The following ZNF462 variants were observed in gnomAD, a reference collection of about 807,000 sequenced individuals.
ZNF462 encodes zinc finger PBX1-interacting protein.
In ZNF462, 10 loss-of-function variants were observed where a neutral mutation model predicts 201.9. That is an observed-to-expected ratio of 0.05 (90% CI 0.03 to 0.08). ZNF462 has a LOEUF of 0.08. Among genes scored for constraint, ZNF462 ranks in the 10% least tolerant of loss-of-function variants. The pLI is 1.00. For missense variants in ZNF462, 2,523 were observed against 3,168.3 expected, an observed-to-expected ratio of 0.80 and a Z score of 4.89; for synonymous variants, 1,227 against 1,193.3, an observed-to-expected ratio of 1.03 and a Z score of -0.58.
At chr9:106,861,811 A>T (rs1827074658), upstream of ZNF462, among the ~76,000 whole-genome samples, 1 of 152,146 alleles carries the variant, frequency 6.6e-6, no homozygotes, top group Non-Finnish European at 1.5e-5. Flanking sequence ...GATTACACTA[A>T]ATAAAAATTC....
rs1831997116 is a variant in ZNF462, at chr9:106,964,796, A to G, written c.6428-7209A>G. Reference sequence around the variant, plus strand: ...AATATTAATTAAATTGAATGAGCTCAGTAGCAAATATAACTGGTACAAAAA... The same window carrying G: ...AATATTAATTAAATTGAATGAGCTCGGTAGCAAATATAACTGGTACAAAAA... On this transcript the variant is annotated intron_variant, in intron 7 of 12. Coordinates refer to ENST00000277225, the MANE Select transcript of ZNF462 (RefSeq NM_021224.6). 3.3e-5 allele frequency among the ~76,000 whole-genome samples: 5 copies of G among 152,228 alleles called. No individual in the cohort carries two copies. The South Asian group carries it at 1.0e-3, about 32-fold the overall frequency.
At chr9:106,893,138 T>G (rs1305778711) in intron 1 of ZNF462, among the ~76,000 whole-genome samples, 1 of 152,244 alleles carries the variant, frequency 6.6e-6, no homozygotes, top group Non-Finnish European at 1.5e-5. Flanking sequence ...ATACATTATA[T>G]AAATGTGTTC....
intron 1 of ZNF462, among the ~76,000 whole-genome samples, chr9:106,869,253 G>A (rs1429059228): frequency 6.6e-6 from 1 of 152,172 alleles, no homozygotes; most frequent in Non-Finnish European, 1.5e-5. Context: ...ACAATTACTG[G>A]TGGTTTTCCA....
chr9:106,908,312 G>T (rs1480449975), intron 1 of ZNF462, among the ~76,000 whole-genome samples: 1 of 151,948 alleles, frequency 6.6e-6, no homozygotes, highest in Admixed American at 6.6e-5. Flanking sequence ...TGTATCTGTT[G>T]CCATCTTTAT....
At position 106,917,206 on chromosome 9, in the gene ZNF462, CT is replaced by C. The variant is rs1027964859; in HGVS notation, c.-30-6146del. ...TTTACATATCCAACATTTTTAGCCA[CT>C]TGGATTACATCCCTAGATGCTCATT... On this transcript the variant is annotated intron_variant, in intron 1 of 12. Transcript: ENST00000277225. The surrounding 1 kb of genome is among the most constrained non-coding windows in gnomAD (Gnocchi z 4.5). Among the ~76,000 whole-genome samples the C allele has an allele frequency of 7.9e-5, 12 of 152,350 alleles. No individual in the cohort carries two copies. The highest frequency in any genetic ancestry group is 2.6e-4 in the African/African-American group (11 of 41,580).
intron 1 of ZNF462, among the ~76,000 whole-genome samples, chr9:106,922,073 T>C (rs2131413897): frequency 6.6e-6 from 1 of 152,348 alleles, no homozygotes; most frequent in East Asian, 1.9e-4. Context: ...CTCCTTTCAC[T>C]ACATTGATGT....
At chr9:106,937,883 C>CGAA (rs1830697500) in intron 6 of ZNF462, among the ~76,000 whole-genome samples, 1 of 152,042 alleles carries the variant, frequency 6.6e-6, no homozygotes, top group African/African-American at 2.4e-5. Context: ...ATGTATATTT[C>CGAA]TAAGTAAAAC....
intron 1 of ZNF462, among the ~76,000 whole-genome samples, chr9:106,911,175 T>C (rs1248036415): frequency 6.6e-6 from 1 of 152,190 alleles, no homozygotes; most frequent in Non-Finnish European, 1.5e-5. Flanking sequence ...GACCAGTAAT[T>C]GTCTTTTATG....
rs3056311 is a variant in ZNF462, at chr9:106,943,059, C to CGTGTGTGTGTGT, written c.6427+3975_6427+3986dup. Among the ~76,000 whole-genome samples, 942 of 143,224 alleles carry CGTGTGTGTGTGT rather than the reference C, an allele frequency of 6.6e-3. 12 individuals carry two copies. Among genetic ancestry groups the CGTGTGTGTGTGT allele is most frequent in the African/African-American group, 0.02 (757 of 37,934 alleles). 94.0% of individuals were successfully genotyped at this position (143,224 alleles called of 152,430 possible). A position where few individuals can be genotyped will look rare whatever the true frequency, so the allele number is the denominator to read the frequency against. On this transcript the variant is annotated intron_variant, in intron 7 of 12. Transcript: ENST00000277225. The stretch of plus-strand genomic sequence containing the variant: ...GTAACATAGTTTTGTTTTGCGCGCG[C>CGTGTGTGTGTGT]GTGTGTGTGTGTGTGTGTGTGTGTG...
At chr9:106,864,285 G>C (rs926161753) in intron 1 of ZNF462, among the ~76,000 whole-genome samples, 7 of 151,822 alleles carry the variant, frequency 4.6e-5, no homozygotes, top group Admixed American at 2.0e-4. Context: ...GTTCAGAAGC[G>C]TCTGGTGGAG....
intron 7 of ZNF462, among the ~76,000 whole-genome samples, chr9:106,945,595 T>C (rs1036643925): frequency 1.2e-4 from 19 of 152,366 alleles, no homozygotes; most frequent in African/African-American, 4.1e-4. Flanking sequence ...GCACATGCGA[T>C]GTAAGACATA....
At chr9:106,908,902 C>T (rs1374074342) in intron 1 of ZNF462, among the ~76,000 whole-genome samples, 3 of 77,206 alleles carry the variant, frequency 3.9e-5, no homozygotes, top group Non-Finnish European at 6.7e-5. Context: ...AATATTTGCC[C>T]ATATATACAT....
At chr9:106,896,327 T>C (rs913177163) in intron 1 of ZNF462, among the ~76,000 whole-genome samples, 4 of 152,152 alleles carry the variant, frequency 2.6e-5, no homozygotes, top group African/African-American at 9.7e-5. Context: ...TTTGGCTCAA[T>C]CGAAAATGAT....
intron 1 of ZNF462, among the ~76,000 whole-genome samples, chr9:106,873,005 G>C (rs76570543): frequency 0.043 from 6,583 of 152,232 alleles, 183 homozygotes; most frequent in Non-Finnish European, 0.066. Context: ...CTGCAAAGTG[G>C]GGGAGCCAGG....
intron 10 of ZNF462, among the ~76,000 whole-genome samples, chr9:106,994,670 C>T (rs917868023): frequency 1.4e-4 from 22 of 152,200 alleles, no homozygotes; most frequent in Middle Eastern, 3.4e-3. Context: ...CTGTCTCTTC[C>T]GTGTGTTGTA....
chr9:106,940,335 A>C (rs1467868329), intron 7 of ZNF462, among the ~76,000 whole-genome samples: 1 of 152,184 alleles, frequency 6.6e-6, no homozygotes, highest in African/African-American at 2.4e-5. Context: ...GGGACCATTT[A>C]TAACAAGTAC....
At chr9:106,871,569 GTAATT>G (rs1470860157) in intron 1 of ZNF462, among the ~76,000 whole-genome samples, 1 of 152,216 alleles carries the variant, frequency 6.6e-6, no homozygotes. Flanking sequence ...AAAAGACCTT[GTAATT>G]TGGTACCTAA....
At chr9:106,940,392 C>A (rs1380983341) in intron 7 of ZNF462, among the ~76,000 whole-genome samples, 1 of 152,154 alleles carries the variant, frequency 6.6e-6, no homozygotes, top group Non-Finnish European at 1.5e-5. Flanking sequence ...AGAGACTCTT[C>A]AGATAACCTG....
At chr9:106,879,287 G>A (rs1479198255) in intron 1 of ZNF462, among the ~76,000 whole-genome samples, 1 of 150,666 alleles carries the variant, frequency 6.6e-6, no homozygotes. Context: ...AGGAAGGGAA[G>A]CAGTCATTTC....
Sources: gnomAD v4.1 joint callset for allele counts (sites outside exome capture counted in the v4.1 genomes callset) on GRCh38, gnomAD v4.1.1 for gene constraint, Gnocchi (gnomAD v3.1) non-coding constraint, MANE v1.5 for transcripts, NCBI Gene and HGNC (gene_info 2026-07-23, HGNC 2026-07-21) for gene names.